GSE1: variants seen among roughly 807,000 people sequenced by gnomAD.
GSE1 encodes the protein Gse1 coiled-coil protein.
A neutral mutation model predicts 112.6 loss-of-function variants in GSE1; 32 were observed. That is an observed-to-expected ratio of 0.28 (90% CI 0.21 to 0.38). The LOEUF is 0.38. Ranked by LOEUF, GSE1 falls within the 10% of genes least tolerant of loss-of-function variation. The pLI, the probability that GSE1 is intolerant of heterozygous loss-of-function variation, is 1.00. For synonymous variants in GSE1, 1,115 were observed against 735.6 expected, an observed-to-expected ratio of 1.52 and a Z score of -8.35; for missense variants, 2,348 against 1,699.2, an observed-to-expected ratio of 1.38 and a Z score of -6.71.
intron 1 of GSE1, among the ~76,000 whole-genome samples, chr16:85,591,418 G>T (rs2046997485): frequency 6.6e-6 from 1 of 152,256 alleles, no homozygotes; most frequent in East Asian, 1.9e-4. Flanking sequence ...AGATTTGGGA[G>T]CCCAGTGGCT....
intron 1 of GSE1, among the ~76,000 whole-genome samples, chr16:85,587,868 G>A (rs902509340): frequency 4.6e-5 from 7 of 152,154 alleles, no homozygotes; most frequent in Admixed American, 2.6e-4. Context: ...TCCCGTGTCT[G>A]GACGGTGAAA....
chr16:85,296,501 G>A (rs570870366), intron 1 of GSE1, among the ~76,000 whole-genome samples: 2 of 152,142 alleles, frequency 1.3e-5, no homozygotes, highest in Non-Finnish European at 2.9e-5. Flanking sequence ...CAGCTACTCG[G>A]GATGCTGAGG....
chr16:85,672,669 G>C lies in GSE1; in HGVS notation c.*130G>C. The C allele has an allele frequency of 1.7e-6, 1 of 578,994 alleles. No homozygotes were observed. The highest frequency in any genetic ancestry group is 2.7e-6 in the Non-Finnish European group (1 of 366,088). 35.9% of individuals were successfully genotyped at this position (578,994 alleles called of 1,614,324 possible). A position where few individuals can be genotyped will look rare whatever the true frequency, so the allele number is the denominator to read the frequency against. On this transcript the variant is annotated 3_prime_UTR_variant, in exon 16 of 16. Transcript: ENST00000253458. The stretch of plus-strand genomic sequence containing the variant: ...GAGAATGTGCCATGCATGAAGCAAA[G>C]GATTCCAGGCTCCAGAAAAAATGAA...
At chr16:85,407,330 A>G (rs2048325938) in intron 2 of GSE1, among the ~76,000 whole-genome samples, 1 of 17,342 alleles carries the variant, frequency 5.8e-5, no homozygotes, top group South Asian at 2.6e-3. Flanking sequence ...TGTTACTCTC[A>G]GGCCCCCCGG....
At chr16:85,563,602 C>T (rs1013353579) in intron 1 of GSE1, among the ~76,000 whole-genome samples, 1 of 152,238 alleles carries the variant, frequency 6.6e-6, no homozygotes, top group Non-Finnish European at 1.5e-5. Flanking sequence ...CTCAGCCCTG[C>T]CGGAAGCCCA....
At chr16:85,315,220 G>A (rs546395291) in intron 1 of GSE1, among the ~76,000 whole-genome samples, 16 of 152,260 alleles carry the variant, frequency 1.1e-4, no homozygotes, top group South Asian at 4.1e-4. Flanking sequence ...AGCAGGGGTC[G>A]GGGGGAGGCT....
intron 1 of GSE1, among the ~76,000 whole-genome samples, chr16:85,630,353 C>A (rs527465941): frequency 2.0e-5 from 3 of 152,194 alleles, no homozygotes; most frequent in African/African-American, 7.2e-5. Flanking sequence ...TATAGACATT[C>A]TTTTTATTTT....
In GSE1 at chr16:85,534,801, C is replaced by G. The variant is rs528943011; in HGVS notation, c.2465-99113C>G. On this transcript the variant is annotated intron_variant, in intron 2 of 2. Transcript: ENST00000637419. ...CACAGCGTTGCTCCCCTGTCTGTGA[C>G]GTCCGTCAGCGTTGCTGCGTGTATT... is the stretch of plus-strand genomic sequence containing the variant. Among the ~76,000 whole-genome samples the G allele has an allele frequency of 2.0e-5, 3 of 152,284 alleles. No homozygotes were observed. The South Asian group carries it at 6.2e-4, about 32-fold the overall frequency.
At chr16:85,202,486 A>G (rs2075046497) in intron 1 of GSE1, among the ~76,000 whole-genome samples, 1 of 151,634 alleles carries the variant, frequency 6.6e-6, no homozygotes, top group Non-Finnish European at 1.5e-5. Context: ...CTGGTCTCAA[A>G]CTCCTGGGCT....
intron 2 of GSE1, among the ~76,000 whole-genome samples, chr16:85,539,933 G>C (rs1257839026): frequency 1.3e-5 from 2 of 152,214 alleles, no homozygotes; most frequent in African/African-American, 4.8e-5. Flanking sequence ...CCTGGTGAGA[G>C]GTTAGACTGT....
At chr16:85,227,101 T>TCATCCATCCATC (rs71151273) in intron 1 of GSE1, among the ~76,000 whole-genome samples, 1 of 151,674 alleles carries the variant, frequency 6.6e-6, no homozygotes, top group African/African-American at 2.4e-5. Flanking sequence ...GTCCTTCTTT[T>TCATCCATCCATC]CATCCATCCA....
intron 1 of GSE1, among the ~76,000 whole-genome samples, chr16:85,291,204 C>T (rs1214174695): frequency 6.6e-6 from 1 of 152,192 alleles, no homozygotes; most frequent in Non-Finnish European, 1.5e-5. Flanking sequence ...GAGCTGGACA[C>T]CAGGCTGCAG....
At chr16:85,355,590 T>C (rs552742330) in intron 1 of GSE1, among the ~76,000 whole-genome samples, 2 of 152,302 alleles carry the variant, frequency 1.3e-5, no homozygotes, top group African/African-American at 4.8e-5. Flanking sequence ...ACAGAGTTGC[T>C]GTGTGGGATG....
chr16:85,247,151 C>T (rs545428416), intron 1 of GSE1, among the ~76,000 whole-genome samples: 1 of 152,284 alleles, frequency 6.6e-6, no homozygotes, highest in South Asian at 2.1e-4. Context: ...CCCAGGCTCT[C>T]ATCTGTGGTT....
chr16:85,592,272 C>T (rs1023009815), intron 1 of GSE1: 1 of 151,938 alleles, frequency 6.6e-6, no homozygotes, highest in Non-Finnish European at 1.5e-5. Context: ...AAGTGATCCT[C>T]CTGTCTCAGC....
At position 85,269,128 on chromosome 16, in the gene GSE1, C is replaced by G. The variant is rs148978264; in HGVS notation, c.2284-88335C>G. On this transcript the variant is annotated intron_variant, in intron 1 of 2. Coordinates refer to the GSE1 transcript ENST00000637419. ...CCATTCAGAAACTTGCCCGAGGCCA[C>G]TCAAGAACCATACTGTTTTTTTCTT... is the stretch of plus-strand genomic sequence containing the variant. 1.0e-4 allele frequency among the ~76,000 whole-genome samples: 15 copies of G among 149,540 alleles called. 1 individual carries two copies. The highest frequency in any genetic ancestry group is 3.6e-4 in the African/African-American group (15 of 41,410).
intron 2 of GSE1, among the ~76,000 whole-genome samples, chr16:85,502,695 T>C (rs2051410087): frequency 6.6e-6 from 1 of 152,178 alleles, no homozygotes; most frequent in African/African-American, 2.4e-5. Flanking sequence ...ACCGCCGACC[T>C]GCAGGGGAGC....
intron 2 of GSE1, among the ~76,000 whole-genome samples, chr16:85,386,906 G>A (rs888152748): frequency 6.6e-6 from 1 of 152,180 alleles, no homozygotes; most frequent in African/African-American, 2.4e-5. Flanking sequence ...CTGGCTGCTG[G>A]CTTTGGCTGG....
chr16:85,614,898 C>T (rs1226360624), intron 1 of GSE1, among the ~76,000 whole-genome samples: 1 of 152,156 alleles, frequency 6.6e-6, no homozygotes, highest in Non-Finnish European at 1.5e-5. Flanking sequence ...CAGCCGCACT[C>T]CGGGTGGAAG....
Sources: gnomAD v4.1 joint callset for allele counts (sites outside exome capture counted in the v4.1 genomes callset) on GRCh38, gnomAD v4.1.1 for gene constraint, MANE v1.5 for transcripts, NCBI Gene and HGNC (gene_info 2026-07-23, HGNC 2026-07-21) for gene names.